The following NELL1 variants were observed in gnomAD, a reference collection of about 807,000 sequenced individuals.
The protein encoded by NELL1 is protein kinase C-binding protein NELL1.
Under a neutral mutation model 107.4 loss-of-function variants are expected in NELL1, and 76 were observed. The observed-to-expected ratio is 0.71, with a 90% confidence interval of 0.59 to 0.86. NELL1 has a LOEUF of 0.86. Ranked by LOEUF, NELL1 falls within the 40% of genes least tolerant of loss-of-function variation. The pLI, the probability that NELL1 is intolerant of heterozygous loss-of-function variation, is 0.00. For missense variants in NELL1, 1,024 were observed against 1,005.5 expected (o/e 1.02, Z -0.25); for synonymous variants, 353 against 341.2 (o/e 1.03, Z -0.38).
chr11:21,239,862 G>A (rs1274841021), intron 14 of NELL1, among the ~76,000 whole-genome samples: 1 of 152,004 alleles, frequency 6.6e-6, no homozygotes, highest in Non-Finnish European at 1.5e-5. Flanking sequence ...TGTAGGAGAA[G>A]GTGGAACAGG....
At chr11:20,872,328 C>T (rs1849217761) in intron 4 of NELL1, among the ~76,000 whole-genome samples, 1 of 151,896 alleles carries the variant, frequency 6.6e-6, no homozygotes, top group Non-Finnish European at 1.5e-5. Context: ...CCACAGGTAC[C>T]TGCCACCGTG....
At chr11:21,515,015 A>G (rs1855523742) in intron 15 of NELL1, among the ~76,000 whole-genome samples, 1 of 152,188 alleles carries the variant, frequency 6.6e-6, no homozygotes, top group Non-Finnish European at 1.5e-5. Flanking sequence ...GGTAGGTGGT[A>G]AAATTGAGGG....
chr11:21,117,005 C>T (rs185258656), intron 13 of NELL1, among the ~76,000 whole-genome samples: 1 of 152,058 alleles, frequency 6.6e-6, no homozygotes, highest in African/African-American at 2.4e-5. Flanking sequence ...CTGTCTTTTA[C>T]CGTTTCTTTC....
chr11:21,348,234 A>C (rs936426230), intron 14 of NELL1, among the ~76,000 whole-genome samples: 1 of 152,204 alleles, frequency 6.6e-6, no homozygotes, highest in African/African-American at 2.4e-5. Context: ...AGTAGAGTGA[A>C]GACTTTGGAT....
intron 14 of NELL1, among the ~76,000 whole-genome samples, chr11:21,258,054 G>A (rs1318249367): frequency 6.6e-6 from 1 of 151,992 alleles, no homozygotes; most frequent in Non-Finnish European, 1.5e-5. Flanking sequence ...TACAGGAGAC[G>A]CCCGAAGTGG....
At chr11:20,986,009 T>A (rs191004503) in intron 12 of NELL1, among the ~76,000 whole-genome samples, 6 of 152,320 alleles carry the variant, frequency 3.9e-5, no homozygotes, top group Admixed American at 3.9e-4. Context: ...AAGTTAGAAT[T>A]AGAAGCCCAA....
intron 3 of NELL1, among the ~76,000 whole-genome samples, chr11:20,786,205 C>G (rs1207170762): frequency 6.6e-6 from 1 of 151,790 alleles, no homozygotes; most frequent in Non-Finnish European, 1.5e-5. Context: ...CAAAAATTAG[C>G]TGGGTGTGGT....
chr11:21,391,989 C>A lies in NELL1; in HGVS notation c.1645+21041C>A, dbSNP rs538655455. 2.0e-4 allele frequency among the ~76,000 whole-genome samples: 30 copies of A among 151,828 alleles called. No individual in the cohort carries two copies. The South Asian group carries it at 6.2e-3, about 32-fold the overall frequency. On this transcript the variant is annotated intron_variant, in intron 15 of 19. Transcript: ENST00000357134. The stretch of plus-strand genomic sequence containing the variant: ...GTCTTTCTGTTTCCTAGAAATCAAT[C>A]CTATAAATTAATTAAATTTCTGGAG...
chr11:21,510,528 T>C (rs772501248), intron 15 of NELL1, among the ~76,000 whole-genome samples: 2 of 152,284 alleles, frequency 1.3e-5, no homozygotes, highest in South Asian at 2.1e-4. Flanking sequence ...TGAACCTAGA[T>C]ACAATGTGGG....
At chr11:21,114,867 TA>T (rs1402236577) in intron 13 of NELL1, among the ~76,000 whole-genome samples, 1 of 152,032 alleles carries the variant, frequency 6.6e-6, no homozygotes, top group Non-Finnish European at 1.5e-5. Context: ...AAACACTTTC[TA>T]AAAAGCTGTA....
chr11:20,921,471 G>A (rs1850374799), intron 7 of NELL1, among the ~76,000 whole-genome samples: 1 of 152,072 alleles, frequency 6.6e-6, no homozygotes, highest in South Asian at 2.1e-4. Context: ...CTAAACTCAG[G>A]TAGTTAGATC....
At chr11:20,672,851 A>T (rs1416731245) in intron 1 of NELL1, among the ~76,000 whole-genome samples, 6 of 137,254 alleles carry the variant, frequency 4.4e-5, no homozygotes, top group Non-Finnish European at 7.8e-5. Flanking sequence ...AAAGGAGAGA[A>T]TTTTTTTTTT....
intron 12 of NELL1, among the ~76,000 whole-genome samples, chr11:20,988,499 ATG>A (rs1423690293): frequency 7.0e-6 from 1 of 142,528 alleles, no homozygotes; most frequent in Non-Finnish European, 1.5e-5. Flanking sequence ...ATGTACATAT[ATG>A]TGTGTATATA....
intron 14 of NELL1, among the ~76,000 whole-genome samples, chr11:21,240,832 C>T (rs755415236): frequency 2.0e-5 from 3 of 151,762 alleles, no homozygotes; most frequent in Admixed American, 2.0e-4. Flanking sequence ...CCAAAGTCAG[C>T]GCTTACCTTT....
At chr11:20,684,771 G>T (rs962248552) in intron 2 of NELL1, among the ~76,000 whole-genome samples, 1 of 151,974 alleles carries the variant, frequency 6.6e-6, no homozygotes, top group Non-Finnish European at 1.5e-5. Context: ...TGTTAGATGG[G>T]CCCAGAGAAG....
rs192194114 is a variant in NELL1, at chr11:21,523,257, A to G, written c.1646-11117A>G. ...TAGTTTAACTTGTTTGTGCTTCTGT[A>G]TCAAATACATCGTTTGTATCCAGCA... is the stretch of plus-strand genomic sequence containing the variant. On this transcript the variant is annotated intron_variant, in intron 15 of 19. Coordinates refer to ENST00000357134, the MANE Select transcript of NELL1 (RefSeq NM_006157.5). 3.3e-5 allele frequency among the ~76,000 whole-genome samples: 5 copies of G among 152,264 alleles called. No homozygotes were observed. In the East Asian group the frequency reaches 9.7e-4, roughly 29 times the overall value.
chr11:20,900,403 A>G (rs1849847054), intron 5 of NELL1, among the ~76,000 whole-genome samples: 1 of 152,198 alleles, frequency 6.6e-6, no homozygotes, highest in African/African-American at 2.4e-5. Flanking sequence ...TTGATGGGAT[A>G]TGCTACAAAT....
At chr11:20,977,206 G>T (rs1851654692) in intron 12 of NELL1, among the ~76,000 whole-genome samples, 1 of 151,412 alleles carries the variant, frequency 6.6e-6, no homozygotes, top group Non-Finnish European at 1.5e-5. Context: ...TTATAGTTGA[G>T]GAAACTAGGG....
chr11:20,782,436 A>C (rs1856869621), intron 2 of NELL1, among the ~76,000 whole-genome samples: 2 of 152,188 alleles, frequency 1.3e-5, no homozygotes, highest in South Asian at 4.1e-4. Context: ...TTGAAGCAGC[A>C]ATTCAAAAAA....
Sources: allele counts gnomAD v4.1 joint callset (sites outside exome capture counted in the v4.1 genomes callset), GRCh38; gene constraint gnomAD v4.1.1; transcripts MANE v1.5; gene names NCBI Gene and HGNC (gene_info 2026-07-23, HGNC 2026-07-21).